The following KLHL14 variants were observed in gnomAD, a reference collection of about 807,000 sequenced individuals.
KLHL14 encodes kelch-like protein 14.
A neutral mutation model predicts 64.3 loss-of-function variants in KLHL14; 22 were observed. The observed-to-expected ratio is 0.34, with a 90% CI of 0.24 to 0.49. The LOEUF (loss-of-function observed/expected upper bound fraction) is 0.49, where lower values mean the gene tolerates loss of function less well. KLHL14 is among the 20% of genes least tolerant of loss of function. The pLI is 0.99. For missense variants in KLHL14, 661 were observed against 789.0 expected, an observed-to-expected ratio of 0.84 and a Z score of 1.94; for synonymous variants, 322 against 333.4, an observed-to-expected ratio of 0.97 and a Z score of 0.37.
intron 3 of KLHL14, among the ~76,000 whole-genome samples, chr18:32,711,894 G>A (rs1443179150): frequency 6.6e-6 from 1 of 152,152 alleles, no homozygotes; most frequent in East Asian, 1.9e-4. Flanking sequence ...AAAACCCACA[G>A]AGCTGAATGT....
intron 3 of KLHL14, among the ~76,000 whole-genome samples, chr18:32,718,280 TC>T (rs2050056524): frequency 6.6e-6 from 1 of 152,212 alleles, no homozygotes; most frequent in Non-Finnish European, 1.5e-5. Context: ...AACCTACCTT[TC>T]AGGAGTTCGC....
chr18:32,692,809 C>T (rs947484372), intron 4 of KLHL14, among the ~76,000 whole-genome samples: 4 of 152,150 alleles, frequency 2.6e-5, no homozygotes, highest in African/African-American at 7.2e-5. Flanking sequence ...AGTCATTTAA[C>T]CTCTTCAGGC....
chr18:32,697,848 TTA>T (rs1232577299), intron 3 of KLHL14, among the ~76,000 whole-genome samples: 2 of 152,202 alleles, frequency 1.3e-5, no homozygotes, highest in Non-Finnish European at 2.9e-5. Flanking sequence ...AAGTCCTACT[TTA>T]AAGGCTACTT....
intron 3 of KLHL14, among the ~76,000 whole-genome samples, chr18:32,700,663 A>G (rs551217344): frequency 2.5e-4 from 38 of 152,296 alleles, no homozygotes; most frequent in African/African-American, 8.9e-4. Context: ...GCAATGTTGT[A>G]CCTGCTGGGG....
At chr18:32,754,404 A>C (rs1228295503) in intron 2 of KLHL14, among the ~76,000 whole-genome samples, 1 of 152,246 alleles carries the variant, frequency 6.6e-6, no homozygotes, top group Non-Finnish European at 1.5e-5. Context: ...CAGAAGAAAA[A>C]GTGCAGAAAG....
intron 5 of KLHL14, among the ~76,000 whole-genome samples, chr18:32,684,103 G>GA (rs143560619): frequency 0.017 from 2,533 of 151,648 alleles, 84 homozygotes; most frequent in African/African-American, 0.058. Context: ...AACTTTTACT[G>GA]AAAAAAAATT....
chr18:32,731,714 G>T (rs916424161), intron 3 of KLHL14, among the ~76,000 whole-genome samples: 19 of 151,608 alleles, frequency 1.3e-4, no homozygotes, highest in Non-Finnish European at 2.8e-4. Flanking sequence ...TGAGATCTAC[G>T]TGTATATATC....
At chr18:32,734,185 C>T (rs768932454) in intron 3 of KLHL14, 2 of 702,866 alleles carry the variant, frequency 2.8e-6, no homozygotes, top group South Asian at 3.0e-5. Flanking sequence ...GGTTTTCCTC[C>T]TTCTGAACTC....
At chr18:32,759,879 A>G (rs901362053) in intron 2 of KLHL14, among the ~76,000 whole-genome samples, 4 of 152,168 alleles carry the variant, frequency 2.6e-5, no homozygotes, top group Non-Finnish European at 5.9e-5. Flanking sequence ...ACCCATACTG[A>G]CTGGGATCTC....
chr18:32,770,324 G>C lies in KLHL14; in HGVS notation c.268C>G (p.Gln90Glu). Residue 90 changes from glutamine (Q) to glutamate (E), a missense_variant, in exon 2 of 9, where the codon CAG becomes GAG. Physicochemically the swap from Gln to Glu is conservative, Grantham distance 29. This residue lies in a region of KLHL14 where 331 missense variants were observed against 339.0 expected (regional missense o/e 0.98). Coordinates refer to ENST00000359358, the MANE Select transcript of KLHL14 (RefSeq NM_020805.3). The surrounding 1 kb of genome is among the most constrained non-coding windows in gnomAD (Gnocchi z 6.7). ...APKDQQQPPQQQPSQQQQPPP... is the reference protein window; with the variant it reads ...APKDQQQPPQEQPSQQQQPPP... ...GGCTGCTGCTGCTGTGACGGCTGCT[G>C]CTGCGGCGGCTGCTGCTGGTCCTTG... The C allele has an allele frequency of 6.3e-7, 1 of 1,583,234 alleles. No individual in the cohort carries two copies.
chr18:32,673,800 T>C lies in KLHL14; in HGVS notation c.*857A>G, dbSNP rs2049797452. 1 of 152,306 alleles carries C rather than the reference T, an allele frequency of 6.6e-6. No homozygotes were observed. Among genetic ancestry groups the C allele is most frequent in the South Asian group, 2.1e-4 (1 of 4,830 alleles). 9.4% of individuals were successfully genotyped at this position (152,306 alleles called of 1,614,324 possible). On this transcript the variant is annotated 3_prime_UTR_variant, in exon 9 of 9. Transcript: ENST00000359358. ...GATTAAATTTGGGTCAGACATATCA[T>C]CTAACAGAATCTCTAAAATAGTATT...
intron 7 of KLHL14, among the ~76,000 whole-genome samples, chr18:32,678,741 A>G (rs986867614): frequency 6.6e-6 from 1 of 152,140 alleles, no homozygotes; most frequent in Non-Finnish European, 1.5e-5. Context: ...ACACAACTAG[A>G]AAGTGCATAA....
At chr18:32,768,343 T>C (rs932354722) in intron 2 of KLHL14, among the ~76,000 whole-genome samples, 1 of 151,764 alleles carries the variant, frequency 6.6e-6, no homozygotes, top group African/African-American at 2.4e-5. Flanking sequence ...AGAGAGTATC[T>C]TCCATTTCTT....
intron 3 of KLHL14, among the ~76,000 whole-genome samples, chr18:32,717,932 G>C (rs1325137728): frequency 2.0e-5 from 3 of 152,186 alleles, no homozygotes; most frequent in Non-Finnish European, 4.4e-5. Context: ...AAAGACATCA[G>C]ATCAATTTGG....
chr18:32,764,654 A>G (rs1402667920), intron 2 of KLHL14, among the ~76,000 whole-genome samples: 4 of 152,184 alleles, frequency 2.6e-5, no homozygotes. Context: ...TAAAAGAATA[A>G]TATTTCATGA....
intron 3 of KLHL14, among the ~76,000 whole-genome samples, chr18:32,721,141 C>T (rs778601118): frequency 5.9e-5 from 9 of 152,154 alleles, no homozygotes; most frequent in African/African-American, 1.9e-4. Context: ...TGAGGCTGGC[C>T]GTTTTTGAGC....
chr18:32,723,960 A>G (rs2050092721), intron 3 of KLHL14, among the ~76,000 whole-genome samples: 1 of 152,152 alleles, frequency 6.6e-6, no homozygotes, highest in Non-Finnish European at 1.5e-5. Flanking sequence ...GGAGTTAATT[A>G]TTTTTATTTC....
chr18:32,720,486 G>A lies in KLHL14; in HGVS notation c.1069+21442C>T, dbSNP rs141660239. ...GGTTCAAAGGCAAGGTAATTTTAAG[G>A]CCAAATGGAGATGTTTGGGTTTCTA... On this transcript the variant is annotated intron_variant, in intron 3 of 8. Transcript: ENST00000359358. Among the ~76,000 whole-genome samples, 86 of 152,194 alleles carry A rather than the reference G, an allele frequency of 5.7e-4. 3 individuals carry two copies. The highest frequency in any genetic ancestry group is 3.5e-3 in the Admixed American group (53 of 15,284).
At chr18:32,746,569 T>C (rs1329652273) in intron 2 of KLHL14, among the ~76,000 whole-genome samples, 1 of 152,216 alleles carries the variant, frequency 6.6e-6, no homozygotes, top group Non-Finnish European at 1.5e-5. Flanking sequence ...ACAGGCCAGA[T>C]AAAGTTTTCC....
Sources: allele counts gnomAD v4.1 joint callset (sites outside exome capture counted in the v4.1 genomes callset), GRCh38; gene constraint gnomAD v4.1.1; regional missense constraint gnomAD v4.1.1; non-coding constraint Gnocchi (gnomAD v3.1); transcripts MANE v1.5; gene names NCBI Gene and HGNC (gene_info 2026-07-23, HGNC 2026-07-21).